The following ATRNL1 variants were observed in gnomAD, a reference collection of about 807,000 sequenced individuals.
The protein encoded by ATRNL1 is attractin like 1.
In ATRNL1, 95 loss-of-function variants were observed where a neutral mutation model predicts 182.7. The ratio of observed to expected loss-of-function variants is 0.52; its 90% CI spans 0.44 to 0.62. ATRNL1 has a LOEUF of 0.62. Ranked by LOEUF, ATRNL1 falls within the 20% of genes least tolerant of loss-of-function variation. The pLI is 0.00. For missense variants in ATRNL1, 1,471 were observed against 1,679.5 expected, an observed-to-expected ratio of 0.88 and a Z score of 2.17; for synonymous variants, 576 against 568.3, an observed-to-expected ratio of 1.01 and a Z score of -0.19.
intron 20 of ATRNL1, among the ~76,000 whole-genome samples, chr10:115,423,077 T>C (rs1419364885): frequency 6.6e-6 from 1 of 152,088 alleles, no homozygotes; most frequent in Non-Finnish European, 1.5e-5. Flanking sequence ...CATTTTAAAA[T>C]AAAACAGTGT....
At chr10:115,914,775 G>A (rs1393410240) in intron 28 of ATRNL1, among the ~76,000 whole-genome samples, 1 of 152,128 alleles carries the variant, frequency 6.6e-6, no homozygotes, top group Non-Finnish European at 1.5e-5. Flanking sequence ...AAATGAGTAT[G>A]GGCTTTGCAG....
chr10:115,402,052 G>T (rs1484227633), intron 20 of ATRNL1, among the ~76,000 whole-genome samples: 1 of 152,072 alleles, frequency 6.6e-6, no homozygotes, highest in Admixed American at 6.6e-5. Context: ...GTGTGAGCAG[G>T]ATAGCTATTG....
Position 115,720,105 on chromosome 10 carries a change from T to A in ATRNL1, c.3796-7143T>A, listed in dbSNP as rs141013008. On this transcript the variant is annotated intron_variant, in intron 26 of 28. Coordinates refer to ENST00000355044, the MANE Select transcript of ATRNL1 (RefSeq NM_207303.4). Reference sequence around the variant, plus strand: ...CTTGAACGCCTGACCTCAGGTGATCTGCCCGCCTTGGCCTCCCAAAGTGCT... The same window carrying A: ...CTTGAACGCCTGACCTCAGGTGATCAGCCCGCCTTGGCCTCCCAAAGTGCT... Among the ~76,000 whole-genome samples the A allele has an allele frequency of 8.3e-4, 127 of 152,190 alleles. 1 individual carries two copies. The highest frequency in any genetic ancestry group is 3.0e-3 in the African/African-American group (124 of 41,550).
chr10:115,724,669 G>A (rs548011353), intron 26 of ATRNL1, among the ~76,000 whole-genome samples: 9 of 152,078 alleles, frequency 5.9e-5, no homozygotes, highest in Admixed American at 1.3e-4. Flanking sequence ...AGGTATAGGC[G>A]TAGTGTAGGT....
chr10:115,454,934 T>C (rs1437129326), intron 21 of ATRNL1, among the ~76,000 whole-genome samples: 2 of 152,166 alleles, frequency 1.3e-5, no homozygotes, highest in Non-Finnish European at 2.9e-5. Flanking sequence ...CAATACTGTC[T>C]TGAATAGAAA....
At chr10:115,535,063 G>GAC (rs1565142153) in intron 25 of ATRNL1, among the ~76,000 whole-genome samples, 3 of 150,926 alleles carry the variant, frequency 2.0e-5, no homozygotes, top group African/African-American at 7.3e-5. Flanking sequence ...TTTCAACTTT[G>GAC]GTGAATCTGA....
At chr10:115,913,887 G>A (rs1337869980) in intron 28 of ATRNL1, among the ~76,000 whole-genome samples, 1 of 152,144 alleles carries the variant, frequency 6.6e-6, no homozygotes, top group Admixed American at 6.5e-5. Flanking sequence ...CATGTGGTTA[G>A]CATTTGTAAC....
intron 15 of ATRNL1, among the ~76,000 whole-genome samples, chr10:115,292,781 A>G (rs1389843434): frequency 6.6e-6 from 1 of 152,132 alleles, no homozygotes; most frequent in Non-Finnish European, 1.5e-5. Context: ...GTCCTACCAT[A>G]TATGGTCATT....
At chr10:115,512,066 A>G (rs1002416464) in intron 24 of ATRNL1, among the ~76,000 whole-genome samples, 6 of 151,936 alleles carry the variant, frequency 3.9e-5, no homozygotes, top group African/African-American at 1.4e-4. Context: ...CTTTAAATGT[A>G]ACTTGTGTAA....
chr10:115,128,046 T>A (rs1274303673), intron 4 of ATRNL1, among the ~76,000 whole-genome samples: 2 of 152,218 alleles, frequency 1.3e-5, no homozygotes, highest in Admixed American at 6.5e-5. Flanking sequence ...TGAACTGCCT[T>A]TCAGTGCTCT....
chr10:115,190,693 T>G (rs1317182713), intron 8 of ATRNL1, among the ~76,000 whole-genome samples: 1 of 152,124 alleles, frequency 6.6e-6, no homozygotes, highest in African/African-American at 2.4e-5. Flanking sequence ...CTTCAAGCCT[T>G]TATTATTTTT....
chr10:115,563,448 G>A (rs1555000395), intron 26 of ATRNL1, among the ~76,000 whole-genome samples: 2 of 152,014 alleles, frequency 1.3e-5, no homozygotes, highest in African/African-American at 4.8e-5. Flanking sequence ...CCCCTTACAG[G>A]GGAATTTGTT....
intron 14 of ATRNL1, among the ~76,000 whole-genome samples, chr10:115,285,609 G>T (rs1308811428): frequency 6.6e-6 from 1 of 152,032 alleles, no homozygotes; most frequent in Non-Finnish European, 1.5e-5. Context: ...TTACTGAACA[G>T]TATGTTTCAT....
intron 8 of ATRNL1, among the ~76,000 whole-genome samples, chr10:115,197,679 G>GATT (rs1848413246): frequency 6.6e-6 from 1 of 152,086 alleles, no homozygotes; most frequent in Non-Finnish European, 1.5e-5. Context: ...AGTGCAGTCG[G>GATT]CCTGGGGAAT....
chr10:115,531,335 T>G (rs1229345559), intron 25 of ATRNL1, among the ~76,000 whole-genome samples: 3 of 152,072 alleles, frequency 2.0e-5, no homozygotes, highest in Non-Finnish European at 4.4e-5. Context: ...TGGTGTGAGA[T>G]GGTATCTCAT....
chr10:115,916,663 T>C (rs1952863082), intron 28 of ATRNL1, among the ~76,000 whole-genome samples: 1 of 152,214 alleles, frequency 6.6e-6, no homozygotes, highest in Non-Finnish European at 1.5e-5. Context: ...AAAGTCTTAT[T>C]TGAATATTTC....
chr10:115,215,655 A>C, intron 8 of ATRNL1, 42 bp from the exon 9 acceptor site: 1 of 1,451,406 alleles, frequency 6.9e-7, no homozygotes, highest in South Asian at 1.4e-5. Context: ...TATATTTAAA[A>C]ATACTACTTG....
intron 21 of ATRNL1, among the ~76,000 whole-genome samples, chr10:115,448,854 C>CCAACAACAA (rs3981286): frequency 0.023 from 3,464 of 150,190 alleles, 80 homozygotes; most frequent in African/African-American, 0.064. Context: ...AGCGTGCCAA[C>CCAACAACAA]CAACAACAAC....
At chr10:115,824,078 A>G (rs1193325620) in intron 27 of ATRNL1, among the ~76,000 whole-genome samples, 2 of 152,196 alleles carry the variant, frequency 1.3e-5, no homozygotes, top group East Asian at 1.9e-4. Flanking sequence ...ACCAAAACAG[A>G]TATGTAGACC....
Sources: gnomAD v4.1 joint callset for allele counts (sites outside exome capture counted in the v4.1 genomes callset) on GRCh38, gnomAD v4.1.1 for gene constraint, MANE v1.5 for transcripts, NCBI Gene and HGNC (gene_info 2026-07-23, HGNC 2026-07-21) for gene names.